IGF2BP3: variants seen among roughly 807,000 people sequenced by gnomAD.
IGF2BP3 encodes insulin like growth factor 2 mRNA binding protein 3, also known as insulin-like growth factor 2 mRNA-binding protein 3.
Under a neutral mutation model 73.8 loss-of-function variants are expected in IGF2BP3, and 9 were observed. The observed-to-expected ratio is 0.12, with a 90% CI of 0.07 to 0.21. The LOEUF (loss-of-function observed/expected upper bound fraction) is 0.21. Ranked by LOEUF, IGF2BP3 falls within the 10% of genes least tolerant of loss-of-function variation. The probability of loss-of-function intolerance (pLI) is 1.00; values close to 1 mark genes in which losing one functional copy is unlikely to be tolerated. For missense variants in IGF2BP3, 542 were observed against 714.0 expected (o/e 0.76, Z 2.75); for synonymous variants, 258 against 256.7 (o/e 1.01, Z -0.05).
chr7:23,360,316 A>C (rs1785193945), intron 5 of IGF2BP3, among the ~76,000 whole-genome samples: 1 of 152,244 alleles, frequency 6.6e-6, no homozygotes, highest in Non-Finnish European at 1.5e-5. Flanking sequence ...AACTGCGATT[A>C]ATCAAAGTCA....
At chr7:23,324,237 A>AT (rs1784232432) in intron 10 of IGF2BP3, among the ~76,000 whole-genome samples, 1 of 150,832 alleles carries the variant, frequency 6.6e-6, no homozygotes, top group South Asian at 2.1e-4. Flanking sequence ...GATAAAGGGG[A>AT]TATCACCACC....
At chr7:23,362,483 A>G (rs768308167) in intron 3 of IGF2BP3, 16 of 152,240 alleles carry the variant, frequency 1.1e-4, no homozygotes, top group Non-Finnish European at 2.9e-5. Flanking sequence ...CTAAGTCTAC[A>G]CGGGGTTGGG....
intron 3 of IGF2BP3, among the ~76,000 whole-genome samples, chr7:23,390,795 G>A (rs1355848492): frequency 6.9e-6 from 1 of 144,998 alleles, no homozygotes; most frequent in East Asian, 2.0e-4. Flanking sequence ...TGGATTTATT[G>A]TTGCCTTTTT....
intron 3 of IGF2BP3, among the ~76,000 whole-genome samples, chr7:23,391,235 G>A (rs1786267202): frequency 6.6e-6 from 1 of 151,904 alleles, no homozygotes; most frequent in Admixed American, 6.6e-5. Context: ...GAGTAGCTGG[G>A]ATTACAGGCG....
intron 2 of IGF2BP3, among the ~76,000 whole-genome samples, chr7:23,433,940 C>T (rs868666297): frequency 1.3e-5 from 2 of 151,894 alleles, no homozygotes; most frequent in Non-Finnish European, 2.9e-5. Flanking sequence ...CCGGGCATCA[C>T]GGAGGCGTGT....
intron 3 of IGF2BP3, among the ~76,000 whole-genome samples, chr7:23,374,305 T>C (rs1233190300): frequency 6.6e-6 from 1 of 152,128 alleles, no homozygotes; most frequent in Non-Finnish European, 1.5e-5. Context: ...CTGTGAGGGA[T>C]TGGTTTCAGC....
At chr7:23,466,024 GT>G (rs71552233) in intron 2 of IGF2BP3, among the ~76,000 whole-genome samples, 212 of 142,402 alleles carry the variant, frequency 1.5e-3, no homozygotes, top group Admixed American at 2.0e-3. Flanking sequence ...GAGAAAAAAG[GT>G]TTTTTTTTTT....
At chr7:23,397,228 G>A (rs551467851) in intron 3 of IGF2BP3, among the ~76,000 whole-genome samples, 2 of 152,346 alleles carry the variant, frequency 1.3e-5, no homozygotes, top group South Asian at 4.1e-4. Flanking sequence ...AGACATCAAA[G>A]TTGTCTTGTG....
chr7:23,432,356 G>T (rs1469172857), intron 2 of IGF2BP3, among the ~76,000 whole-genome samples: 1 of 152,170 alleles, frequency 6.6e-6, no homozygotes, highest in Non-Finnish European at 1.5e-5. Flanking sequence ...AAGAAACATA[G>T]TCAAAGTTTT....
chr7:23,439,249 T>C (rs1013111882), intron 2 of IGF2BP3, among the ~76,000 whole-genome samples: 1 of 151,390 alleles, frequency 6.6e-6, no homozygotes, highest in African/African-American at 2.4e-5. Context: ...AAATAAAAAA[T>C]AAAATAAAAA....
intron 3 of IGF2BP3, among the ~76,000 whole-genome samples, chr7:23,390,183 T>C (rs1235857736): frequency 6.6e-6 from 1 of 152,194 alleles, no homozygotes; most frequent in Non-Finnish European, 1.5e-5. Context: ...TATAAAAGTT[T>C]TGTTAATATC....
chr7:23,380,527 T>C (rs1444003937), intron 3 of IGF2BP3, among the ~76,000 whole-genome samples: 2 of 152,148 alleles, frequency 1.3e-5, no homozygotes, highest in Non-Finnish European at 1.5e-5. Context: ...TTCAAGACTG[T>C]CATACATTAC....
intron 10 of IGF2BP3, among the ~76,000 whole-genome samples, chr7:23,322,526 A>G (rs566324339): frequency 6.6e-6 from 1 of 152,220 alleles, no homozygotes; most frequent in African/African-American, 2.4e-5. Context: ...AACTTCCCCA[A>G]TCTAGCAAGG....
At chr7:23,439,215 G>A (rs1420243338) in intron 2 of IGF2BP3, among the ~76,000 whole-genome samples, 4 of 151,984 alleles carry the variant, frequency 2.6e-5, no homozygotes, top group African/African-American at 9.7e-5. Flanking sequence ...TGCACTCCGG[G>A]CTGGGGACAG....
At chr7:23,351,200 C>T (rs1019782781) in intron 6 of IGF2BP3, 105 bp downstream of exon 6, 3 of 1,266,260 alleles carry the variant, frequency 2.4e-6, no homozygotes, top group Admixed American at 2.0e-5. Flanking sequence ...ACAAGGAGTC[C>T]TCATGGCTGT....
At chr7:23,344,082 A>C (rs975146799) in intron 8 of IGF2BP3, among the ~76,000 whole-genome samples, 1 of 152,206 alleles carries the variant, frequency 6.6e-6, no homozygotes, top group African/African-American at 2.4e-5. Context: ...ACTAACGATT[A>C]CTGGATACAT....
chr7:23,420,149 G>C (rs1304181445), intron 2 of IGF2BP3, among the ~76,000 whole-genome samples: 1 of 152,186 alleles, frequency 6.6e-6, no homozygotes, highest in African/African-American at 2.4e-5. Context: ...AATTGAGCTT[G>C]ACATCTCAAG....
At chr7:23,328,822 CAAG>C (rs1371482738) in intron 10 of IGF2BP3, among the ~76,000 whole-genome samples, 2 of 152,060 alleles carry the variant, frequency 1.3e-5, no homozygotes, top group East Asian at 3.8e-4. Flanking sequence ...GCCAAATGCT[CAAG>C]AAGAATGACA....
chr7:23,336,844 A>G (rs1784586143), intron 10 of IGF2BP3, among the ~76,000 whole-genome samples: 1 of 152,102 alleles, frequency 6.6e-6, no homozygotes, highest in Admixed American at 6.5e-5. Flanking sequence ...GCTACTCGGG[A>G]GGCTGAGGTA....
Sources: gnomAD v4.1 joint callset for allele counts (sites outside exome capture counted in the v4.1 genomes callset) on GRCh38, gnomAD v4.1.1 for gene constraint, MANE v1.5 for transcripts, NCBI Gene and HGNC (gene_info 2026-07-23, HGNC 2026-07-21) for gene names.